Variants in GSG1L observed in about 807,000 individuals in gnomAD.
The protein encoded by GSG1L is GSG1 like.
A neutral mutation model predicts 42.1 loss-of-function variants in GSG1L; 24 were observed. The ratio of observed to expected loss-of-function variants is 0.57; its 90% CI spans 0.41 to 0.80. The LOEUF (loss-of-function observed/expected upper bound fraction) is 0.80, where lower values mean the gene tolerates loss of function less well. Among genes scored for constraint, GSG1L ranks in the 30% least tolerant of loss-of-function variants. The pLI is 0.00. For missense variants in GSG1L, 445 were observed against 472.2 expected (o/e 0.94, Z 0.53); for synonymous variants, 215 against 203.5 (o/e 1.06, Z -0.48).
chr16:27,803,774 T>TAG (rs2082912084), intron 6 of GSG1L, among the ~76,000 whole-genome samples: 2 of 61,412 alleles, frequency 3.3e-5, no homozygotes, highest in Admixed American at 1.9e-4. Context: ...GACATATATA[T>TAG]ATATATATAT....
intron 1 of GSG1L, among the ~76,000 whole-genome samples, chr16:28,047,402 A>C (rs2086173811): frequency 6.6e-6 from 1 of 152,084 alleles, no homozygotes; most frequent in Non-Finnish European, 1.5e-5. Flanking sequence ...TAAAAGATTA[A>C]AAAAAAACTA....
At chr16:28,026,135 C>T (rs1024043141) in intron 1 of GSG1L, among the ~76,000 whole-genome samples, 3 of 152,172 alleles carry the variant, frequency 2.0e-5, no homozygotes, top group African/African-American at 4.8e-5. Context: ...CTGGGCCTGC[C>T]GTGACTTCAT....
At chr16:27,952,803 A>G (rs1282884305) in intron 2 of GSG1L, among the ~76,000 whole-genome samples, 1 of 152,188 alleles carries the variant, frequency 6.6e-6, no homozygotes, top group East Asian at 1.9e-4. Context: ...CACACAGAAA[A>G]CTGCATATAT....
intron 2 of GSG1L, among the ~76,000 whole-genome samples, chr16:27,925,870 T>G (rs896229320): frequency 1.2e-4 from 18 of 152,182 alleles, no homozygotes; most frequent in Non-Finnish European, 2.5e-4. Context: ...GTCCTGGGTT[T>G]CCAGGCAAGG....
At chr16:27,974,180 G>A (rs933490618) in intron 1 of GSG1L, among the ~76,000 whole-genome samples, 4 of 152,188 alleles carry the variant, frequency 2.6e-5, no homozygotes, top group Non-Finnish European at 5.9e-5. Flanking sequence ...GGGAATTCAT[G>A]CAGAAAGAAA....
chr16:28,032,311 CA>C (rs2085974603), intron 1 of GSG1L, among the ~76,000 whole-genome samples: 1 of 150,366 alleles, frequency 6.7e-6, no homozygotes, highest in African/African-American at 2.5e-5. Flanking sequence ...AGCAGCTGCA[CA>C]ATTTCTTTCC....
At chr16:28,003,345 GA>G (rs576862103) in intron 1 of GSG1L, among the ~76,000 whole-genome samples, 2 of 152,376 alleles carry the variant, frequency 1.3e-5, no homozygotes, top group East Asian at 3.9e-4. Flanking sequence ...GACTGCAGGG[GA>G]CGGGAGCCAT....
intron 2 of GSG1L, among the ~76,000 whole-genome samples, chr16:27,935,146 G>A (rs893080332): frequency 2.6e-5 from 4 of 152,222 alleles, no homozygotes; most frequent in Non-Finnish European, 5.9e-5. Flanking sequence ...AGACTCGGAT[G>A]GAGCCCATTA....
At chr16:27,824,062 C>CA (rs1472477729) in intron 5 of GSG1L, 1 of 646,946 alleles carries the variant, frequency 1.5e-6, no homozygotes, top group Non-Finnish European at 2.8e-6. Context: ...ATACCCTCGC[C>CA]ATCTCCATCC....
At chr16:28,037,929 TTGGATCCAAGGGCCCCA>T (rs2086059308) in intron 1 of GSG1L, among the ~76,000 whole-genome samples, 1 of 152,268 alleles carries the variant, frequency 6.6e-6, no homozygotes, top group Admixed American at 6.5e-5. Flanking sequence ...TATCTACACG[TTGGATCCAAGGGCCCCA>T]ATCCCTCCTG....
rs1365133393 is a variant in GSG1L at position 28,040,227 on chromosome 16, C to T, written c.349+22849G>A. Reference sequence around the variant, plus strand: ...CCTCCCTTCAGGTCCCTCTCCCACCCGAGGGCCTTTTCACTTGCGATTGCC... The same window carrying T: ...CCTCCCTTCAGGTCCCTCTCCCACCTGAGGGCCTTTTCACTTGCGATTGCC... On this transcript the variant is annotated intron_variant, in intron 1 of 6. Coordinates refer to ENST00000447459, the MANE Select transcript of GSG1L (RefSeq NM_001109763.2). The surrounding 1 kb of genome is among the most constrained non-coding windows in gnomAD (Gnocchi z 4.1). Among the ~76,000 whole-genome samples, 2 of 152,176 alleles carry T rather than the reference C, an allele frequency of 1.3e-5. No homozygotes were observed. Among genetic ancestry groups the T allele is most frequent in the African/African-American group, 2.4e-5 (1 of 41,438 alleles).
intron 2 of GSG1L, among the ~76,000 whole-genome samples, chr16:27,917,718 T>C (rs2084475302): frequency 6.6e-6 from 1 of 152,202 alleles, no homozygotes; most frequent in Non-Finnish European, 1.5e-5. Flanking sequence ...ATCTAAAATT[T>C]ATATCAGACT....
intron 2 of GSG1L, among the ~76,000 whole-genome samples, chr16:27,960,415 T>C (rs1334728780): frequency 6.6e-6 from 1 of 152,128 alleles, no homozygotes; most frequent in African/African-American, 2.4e-5. Flanking sequence ...AGCCAGTTAG[T>C]GCCAGTGTCG....
At chr16:27,839,977 G>T (rs901823721) in intron 4 of GSG1L, among the ~76,000 whole-genome samples, 1 of 152,094 alleles carries the variant, frequency 6.6e-6, no homozygotes, top group Admixed American at 6.5e-5. Flanking sequence ...GCAACTCGGG[G>T]CTTGTAAAGT....
chr16:27,813,024 C>T (rs1235365393), intron 5 of GSG1L, among the ~76,000 whole-genome samples: 1 of 152,278 alleles, frequency 6.6e-6, no homozygotes, highest in African/African-American at 2.4e-5. Context: ...AACTGATCCA[C>T]CTGCCTTGGC....
Position 28,035,953 on chromosome 16 carries a change from G to A in GSG1L, c.349+27123C>T, listed in dbSNP as rs576310019. On this transcript the variant is annotated intron_variant, in intron 1 of 6. Coordinates refer to ENST00000447459, the MANE Select transcript of GSG1L (RefSeq NM_001109763.2). ...ATCAGCAAACTGGGCCCTTCTGACC[G>A]AAAGCTGAGCCTTTGAGTGGGCCCC... is the stretch of plus-strand genomic sequence containing the variant. Among the ~76,000 whole-genome samples the A allele has an allele frequency of 7.9e-5, 12 of 152,266 alleles. No homozygotes were observed. The South Asian group carries it at 2.1e-3, about 26-fold the overall frequency.
In GSG1L at chr16:27,884,622, A is replaced by C. The variant is rs2084006674; in HGVS notation, c.414T>G (p.Ser138=). The C allele has an allele frequency of 3.1e-6, 5 of 1,589,246 alleles. 1 individual carries two copies. The African/African-American group carries it at 5.4e-5, about 17-fold the overall frequency. ...PASEKGVLWL[S]VVSEVLYILL... ...GAATGTACAGCACCTCGGAGACCAC[A>C]GACAGCCACAGGACCCCTGTCCAAC... The change falls in exon 3 of 7, where the codon TCT becomes TCG. Residue 138 remains serine (S), a synonymous_variant. Transcript: ENST00000447459. This position sits in a 1 kb window ranked among gnomAD's most constrained non-coding sequence, Gnocchi z 4.4.
At chr16:28,009,551 G>GGC (rs1310425419) in intron 1 of GSG1L, among the ~76,000 whole-genome samples, 3 of 152,190 alleles carry the variant, frequency 2.0e-5, no homozygotes, top group African/African-American at 7.2e-5. Context: ...CCTAGCACAG[G>GGC]GCGCGGGCTC....
chr16:27,897,541 C>A (rs961311912), intron 2 of GSG1L, among the ~76,000 whole-genome samples: 6 of 152,168 alleles, frequency 3.9e-5, no homozygotes, highest in Non-Finnish European at 5.9e-5. Context: ...CTCAAGTAAT[C>A]CTCCTCTGTT....
Sources: allele counts gnomAD v4.1 joint callset (sites outside exome capture counted in the v4.1 genomes callset), GRCh38; gene constraint gnomAD v4.1.1; non-coding constraint Gnocchi (gnomAD v3.1); transcripts MANE v1.5; gene names NCBI Gene and HGNC (gene_info 2026-07-23, HGNC 2026-07-21).